The following RPH3A variants were observed in gnomAD, a reference collection of about 807,000 sequenced individuals.
RPH3A encodes the protein rabphilin 3A, also known as rabphilin-3A.
RPH3A carries 48 observed loss-of-function variants against 102.2 expected under a neutral mutation model. The ratio of observed to expected loss-of-function variants is 0.47; its 90% CI spans 0.37 to 0.60. The LOEUF (loss-of-function observed/expected upper bound fraction) is 0.60. Among genes scored for constraint, RPH3A ranks in the 20% least tolerant of loss-of-function variants. The pLI is 0.00. For synonymous variants in RPH3A, 310 were observed against 324.3 expected (o/e 0.96, Z 0.47); for missense variants, 781 against 910.1 (o/e 0.86, Z 1.83).
intron 1 of RPH3A, among the ~76,000 whole-genome samples, chr12:112,624,140 A>G (rs1221516055): frequency 6.4e-3 from 810 of 125,926 alleles, no homozygotes; most frequent in African/African-American, 0.016. Context: ...TAACATCACA[A>G]TTAAAAGAAC....
chr12:112,643,781 G>T (rs1416704667), intron 1 of RPH3A, among the ~76,000 whole-genome samples: 1 of 152,210 alleles, frequency 6.6e-6, no homozygotes, highest in African/African-American at 2.4e-5. Context: ...TGCAAAAATA[G>T]AACTAATATT....
intron 1 of RPH3A, among the ~76,000 whole-genome samples, chr12:112,753,128 A>G (rs930698721): frequency 6.6e-6 from 1 of 152,076 alleles, no homozygotes; most frequent in Non-Finnish European, 1.5e-5. Flanking sequence ...AAGAGATGTA[A>G]TCTCTGTCCT....
At position 112,688,611 on chromosome 12, in the gene RPH3A, A is replaced by T. The variant is rs900319334; in HGVS notation, c.-139-103532A>T. 7.2e-5 allele frequency among the ~76,000 whole-genome samples: 11 copies of T among 152,206 alleles called. 1 individual carries two copies. Among genetic ancestry groups the T allele is most frequent in the Admixed American group, 7.2e-4 (11 of 15,284 alleles). ...CTTAAAAATATGAATCCTGAAAAAAACCAATGGGAACAAGCTTTTACTTAG... is the reference window on the plus strand; with the variant it reads ...CTTAAAAATATGAATCCTGAAAAAATCCAATGGGAACAAGCTTTTACTTAG... On this transcript the variant is annotated intron_variant, in intron 1 of 21. Coordinates refer to the RPH3A transcript ENST00000543106.
At chr12:112,704,818 G>T (rs1186530157) in intron 1 of RPH3A, among the ~76,000 whole-genome samples, 2 of 152,180 alleles carry the variant, frequency 1.3e-5, no homozygotes, top group Non-Finnish European at 2.9e-5. Flanking sequence ...TTCCTGGGGA[G>T]CTTGGGCATA....
intron 1 of RPH3A, among the ~76,000 whole-genome samples, chr12:112,714,138 T>C (rs2136038278): frequency 6.6e-6 from 1 of 152,216 alleles, no homozygotes; most frequent in South Asian, 2.1e-4. Flanking sequence ...AATGTGTCTA[T>C]CCCGTGGGTT....
intron 1 of RPH3A, among the ~76,000 whole-genome samples, chr12:112,745,471 T>C (rs963543961): frequency 1.3e-5 from 2 of 152,216 alleles, no homozygotes; most frequent in African/African-American, 4.8e-5. Context: ...TTGCAGTTCT[T>C]AGTTGGCTTA....
At chr12:112,728,937 C>A (rs1026957320) in intron 1 of RPH3A, among the ~76,000 whole-genome samples, 2 of 152,106 alleles carry the variant, frequency 1.3e-5, no homozygotes, top group African/African-American at 2.4e-5. Flanking sequence ...CAGAGCGCTG[C>A]CTTCCTTTTT....
chr12:112,719,810 C>A (rs1406864106), intron 1 of RPH3A, among the ~76,000 whole-genome samples: 1 of 152,190 alleles, frequency 6.6e-6, no homozygotes, highest in East Asian at 1.9e-4. Flanking sequence ...GATTGCCCAT[C>A]TTGTCATACT....
At position 112,699,170 on chromosome 12, in the gene RPH3A, C is replaced by T. The variant is rs568401757; in HGVS notation, c.-139-92973C>T. Among the ~76,000 whole-genome samples, 141 of 152,342 alleles carry T rather than the reference C, an allele frequency of 9.3e-4. 1 individual carries two copies. The highest frequency in any genetic ancestry group is 3.3e-3 in the African/African-American group (136 of 41,580). ...TCCTAGGCTCCAGCAATCCTCCTGC[C>T]TTGGCCTCCCAAAGTGCTGGGCTTA... On this transcript the variant is annotated intron_variant, in intron 1 of 21. Coordinates refer to the RPH3A transcript ENST00000543106.
At chr12:112,694,925 C>A (rs1448800634) in intron 1 of RPH3A, 2 of 170,026 alleles carry the variant, frequency 1.2e-5, no homozygotes, top group Non-Finnish European at 2.9e-5. Context: ...GTCACTTCAT[C>A]TATGCTGTTC....
intron 5 of RPH3A, among the ~76,000 whole-genome samples, chr12:112,858,289 A>AAAAAAAAAAAAAAAG (rs1565923760): frequency 6.8e-6 from 1 of 147,362 alleles, no homozygotes; most frequent in African/African-American, 2.6e-5. Flanking sequence ...AAAAAAAAAA[A>AAAAAAAAAAAAAAAG]AAAAAGAAAA....
chr12:112,870,247 G>A (rs556719350), intron 10 of RPH3A, among the ~76,000 whole-genome samples: 40 of 143,628 alleles, frequency 2.8e-4, no homozygotes, highest in Non-Finnish European at 3.4e-4. Flanking sequence ...CATAATTTTG[G>A]TTAGATCCTT....
At chr12:112,739,185 G>C (rs2040690364) in intron 1 of RPH3A, among the ~76,000 whole-genome samples, 1 of 152,220 alleles carries the variant, frequency 6.6e-6, no homozygotes, top group Non-Finnish European at 1.5e-5. Flanking sequence ...CACCCAGCTT[G>C]TAAGTGAAGT....
chr12:112,673,515 G>C (rs2040149962), intron 1 of RPH3A, among the ~76,000 whole-genome samples: 1 of 151,134 alleles, frequency 6.6e-6, no homozygotes, highest in Non-Finnish European at 1.5e-5. Context: ...AATTTTTGTA[G>C]AGATGGGTTC....
chr12:112,752,677 A>T (rs927177946), intron 1 of RPH3A, among the ~76,000 whole-genome samples: 5 of 151,848 alleles, frequency 3.3e-5, no homozygotes, highest in African/African-American at 1.2e-4. Flanking sequence ...CAATAACTAG[A>T]ATGTATACAT....
At chr12:112,663,092 G>C (rs2040060294) in intron 1 of RPH3A, among the ~76,000 whole-genome samples, 2 of 150,368 alleles carry the variant, frequency 1.3e-5, no homozygotes, top group Admixed American at 6.7e-5. Context: ...GTGTGTGAAA[G>C]AGAGAGAGAG....
intron 12 of RPH3A, 46 bp downstream of exon 12, chr12:112,875,787 C>G: frequency 6.4e-7 from 1 of 1,557,106 alleles, no homozygotes; most frequent in Non-Finnish European, 8.8e-7. Flanking sequence ...GCCACCTCTC[C>G]CCTACCTCCC....
At chr12:112,682,558 C>A (rs1288274382) in intron 1 of RPH3A, among the ~76,000 whole-genome samples, 1 of 152,132 alleles carries the variant, frequency 6.6e-6, no homozygotes, top group Non-Finnish European at 1.5e-5. Flanking sequence ...TATAAATGCA[C>A]CTGGTCCATG....
At position 112,896,859 on chromosome 12, in the gene RPH3A, T is replaced by G; in HGVS notation, c.*79T>G. On this transcript the variant is annotated 3_prime_UTR_variant, in exon 22 of 22. Coordinates refer to ENST00000389385, the MANE Select transcript of RPH3A (RefSeq NM_001143854.2). ...GCTGCCCACCGCACCCTGATCTCTCTTCTCTATGCCTACCTCCCCCCATAC... is the reference window on the plus strand; with the variant it reads ...GCTGCCCACCGCACCCTGATCTCTCGTCTCTATGCCTACCTCCCCCCATAC... 1.3e-6 allele frequency: 2 copies of G among 1,526,556 alleles called. No homozygotes were observed. The highest frequency in any genetic ancestry group is 9.0e-7 in the Non-Finnish European group (1 of 1,113,052). The allele number at this position is 1,526,556 out of a possible 1,614,324, so 94.6% of individuals were successfully genotyped here.
Sources: gnomAD v4.1 joint callset for allele counts (sites outside exome capture counted in the v4.1 genomes callset) on GRCh38, gnomAD v4.1.1 for gene constraint, MANE v1.5 for transcripts, NCBI Gene and HGNC (gene_info 2026-07-23, HGNC 2026-07-21) for gene names.